The following ABCG4 variants were observed in gnomAD, a reference collection of about 807,000 sequenced individuals.
The protein encoded by ABCG4 is ATP binding cassette subfamily G member 4.
ABCG4 carries 35 observed loss-of-function variants against 64.6 expected under a neutral mutation model. The ratio of observed to expected loss-of-function variants is 0.54; its 90% CI spans 0.41 to 0.72. The LOEUF (loss-of-function observed/expected upper bound fraction) is 0.72, where lower values mean the gene tolerates loss of function less well. Ranked by LOEUF, ABCG4 falls within the 30% of genes least tolerant of loss-of-function variation. The pLI is 0.00. For missense variants in ABCG4, 610 were observed against 846.3 expected, an observed-to-expected ratio of 0.72 and a Z score of 3.46; for synonymous variants, 326 against 348.2, an observed-to-expected ratio of 0.94 and a Z score of 0.71.
chr11:119,160,833 G>A lies in ABCG4; in HGVS notation c.1716-48G>A, dbSNP rs1207590078. 1 of 1,584,610 alleles carries A rather than the reference G, an allele frequency of 6.3e-7. No homozygotes were observed. The highest frequency in any genetic ancestry group is 8.6e-7 in the Non-Finnish European group (1 of 1,157,844). ...TGGGCTCTGGCAGTTTTCTCAGAGA[G>A]CAGGGACCCTGTGTGCTGTATCCCA... On this transcript the variant is annotated intron_variant, in intron 14 of 14. Transcript: ENST00000619701. This position sits in a 1 kb window ranked among gnomAD's most constrained non-coding sequence, Gnocchi z 4.6.
rs562419971 is a variant in ABCG4, at chr11:119,156,546, C to G, written c.811-18C>G. 2.2e-5 allele frequency: 36 copies of G among 1,614,116 alleles called. No individual in the cohort carries two copies. The East Asian group carries it at 7.6e-4, about 34-fold the overall frequency. On this transcript the variant is annotated intron_variant, in intron 7 of 14. Coordinates refer to ENST00000619701, the MANE Select transcript of ABCG4 (RefSeq NM_022169.5). The surrounding 1 kb of genome is among the most constrained non-coding windows in gnomAD (Gnocchi z 5.5). Reference sequence around the variant, plus strand: ...CCTGGCCCGCTGTTCCTTCCTTACCCTTCTCTTTCTGCTGCAGCTCTACAT... The same window carrying G: ...CCTGGCCCGCTGTTCCTTCCTTACCGTTCTCTTTCTGCTGCAGCTCTACAT...
Position 119,160,505 on chromosome 11 carries a change from T to G in ABCG4, c.1597-33T>G. 1.2e-6 allele frequency: 2 copies of G among 1,607,514 alleles called. No individual in the cohort carries two copies. Among genetic ancestry groups the G allele is most frequent in the Non-Finnish European group, 1.7e-6 (2 of 1,178,264 alleles). On this transcript the variant is annotated intron_variant, in intron 13 of 14. Transcript: ENST00000619701. This position sits in a 1 kb window ranked among gnomAD's most constrained non-coding sequence, Gnocchi z 4.6. ...AACCTGGGTTTGTCCTGGTCACCCC[T>G]ATGATGGCCTGGCCCCCTCCCTTCC...
rs1451737733 is a variant in ABCG4 at position 119,154,947 on chromosome 11, C to T, written c.686+32C>T. 1 of 1,585,992 alleles carries T rather than the reference C, an allele frequency of 6.3e-7. No individual in the cohort carries two copies. The highest frequency in any genetic ancestry group is 2.3e-5 in the East Asian group (1 of 44,338). On this transcript the variant is annotated intron_variant, in intron 6 of 14. Transcript: ENST00000619701. The surrounding 1 kb of genome is among the most constrained non-coding windows in gnomAD (Gnocchi z 7.0). ...CTCTCCACCCTTTCCCACCAGGATA[C>T]CCCTCTCCTCTCGGCCCTGAGCCAG...
rs77563022 is a variant in ABCG4, at chr11:119,150,387, C to T, written c.238+184C>T. 2.0e-5 allele frequency among the ~76,000 whole-genome samples: 3 copies of T among 152,200 alleles called. No homozygotes were observed. Among genetic ancestry groups the T allele is most frequent in the African/African-American group, 7.2e-5 (3 of 41,446 alleles). ...TGGGGTGTCAGGATCTACGCTCCCC[C>T]ACACCTGTGAGCACCATGGGATACT... On this transcript the variant is annotated intron_variant, in intron 2 of 14. Coordinates refer to ENST00000619701, the MANE Select transcript of ABCG4 (RefSeq NM_022169.5). This position sits in a 1 kb window ranked among gnomAD's most constrained non-coding sequence, Gnocchi z 4.3.
chr11:119,154,459 T>TGGTGAA lies in ABCG4; in HGVS notation c.490-64_490-63insTGAAGG. The TGGTGAA allele has an allele frequency of 6.2e-7, 1 of 1,614,028 alleles. No homozygotes were observed. On this transcript the variant is annotated intron_variant, in intron 4 of 14. Coordinates refer to ENST00000619701, the MANE Select transcript of ABCG4 (RefSeq NM_022169.5). This position sits in a 1 kb window ranked among gnomAD's most constrained non-coding sequence, Gnocchi z 7.0. ...TGTCTGCTGTCGCCACCTTCACCAT[T>TGGTGAA]GGCGGAGGGTTCAAGGCAGAGCTCC...
chr11:119,154,838 C>T lies in ABCG4; in HGVS notation c.609C>T (p.Gly203=), dbSNP rs552901604. 15 of 1,614,068 alleles carry T rather than the reference C, an allele frequency of 9.3e-6. No homozygotes were observed. Among genetic ancestry groups the T allele is most frequent in the African/African-American group, 1.3e-5 (1 of 75,062 alleles). Residue 203 remains glycine, a synonymous_variant, in exon 6 of 15, where the codon GGC becomes GGT. Coordinates refer to ENST00000619701, the MANE Select transcript of ABCG4 (RefSeq NM_022169.5). This position sits in a 1 kb window ranked among gnomAD's most constrained non-coding sequence, Gnocchi z 7.0. ...ACACGAGGACAGCCCTGCTCTCTGG[C>T]GGGCAGAGGAAGCGTCTGGCCATCG... is the stretch of plus-strand genomic sequence containing the variant. ...CSHTRTALLS[G]GQRKRLAIAL... is the part of the protein sequence containing the mutation.
At position 119,154,948 on chromosome 11, in the gene ABCG4, C is replaced by T; in HGVS notation, c.686+33C>T. On this transcript the variant is annotated intron_variant, in intron 6 of 14. Transcript: ENST00000619701. The surrounding 1 kb of genome is among the most constrained non-coding windows in gnomAD (Gnocchi z 7.0). ...TCTCCACCCTTTCCCACCAGGATACCCCTCTCCTCTCGGCCCTGAGCCAGG... is the reference window on the plus strand; with the variant it reads ...TCTCCACCCTTTCCCACCAGGATACTCCTCTCCTCTCGGCCCTGAGCCAGG... 2 of 1,586,312 alleles carry T rather than the reference C, an allele frequency of 1.3e-6. No individual in the cohort carries two copies. Among genetic ancestry groups the T allele is most frequent in the Non-Finnish European group, 1.7e-6 (2 of 1,160,280 alleles).
intron 9 of ABCG4, among the ~76,000 whole-genome samples, chr11:119,157,963 C>T (rs188098063): frequency 8.5e-5 from 13 of 152,290 alleles, no homozygotes; most frequent in East Asian, 3.9e-4. Context: ...AAAAAGTAAC[C>T]GATCTATTAT....
At position 119,160,093 on chromosome 11, in the gene ABCG4, T is replaced by C; in HGVS notation, c.1438-134T>C. 2.1e-6 allele frequency: 2 copies of C among 948,896 alleles called. No homozygotes were observed. Among genetic ancestry groups the C allele is most frequent in the Non-Finnish European group, 3.1e-6 (2 of 642,336 alleles). The allele number at this position is 948,896 out of a possible 1,614,324, so 58.8% of individuals were successfully genotyped here. A position where few individuals can be genotyped will look rare whatever the true frequency, so the allele number is the denominator to read the frequency against. On this transcript the variant is annotated intron_variant, in intron 12 of 14. Coordinates refer to ENST00000619701, the MANE Select transcript of ABCG4 (RefSeq NM_022169.5). The surrounding 1 kb of genome is among the most constrained non-coding windows in gnomAD (Gnocchi z 4.6). ...ACGTGTGTCAATCTGGGGGACAGCTTGAACAAGAATGTGGAGGCAGGATGG... is the reference window on the plus strand; with the variant it reads ...ACGTGTGTCAATCTGGGGGACAGCTCGAACAAGAATGTGGAGGCAGGATGG...
Position 119,156,683 on chromosome 11 carries a change from G to A in ABCG4, c.925+5G>A. The A allele has an allele frequency of 1.2e-6, 2 of 1,614,048 alleles. No individual in the cohort carries two copies. The highest frequency in any genetic ancestry group is 1.7e-6 in the Non-Finnish European group (2 of 1,179,902). On this transcript the variant is annotated splice_donor_5th_base_variant and intron_variant, in intron 8 of 14. Transcript: ENST00000619701. This position sits in a 1 kb window ranked among gnomAD's most constrained non-coding sequence, Gnocchi z 5.5. ...ACCACAACCCGGCTGACTTCAGTGA[G>A]TGGGGGTCTGTTGGTAGGGGCTGGG...
rs1033376705 is a variant in ABCG4, at chr11:119,150,883, C to T, written c.238+680C>T. ...GAGGACAGGTTCCCCTGAACCCTGA[C>T]TAGCCCCTGCAGCCCCTACCCTGAG... is the stretch of plus-strand genomic sequence containing the variant. On this transcript the variant is annotated intron_variant, in intron 2 of 14. Coordinates refer to ENST00000619701, the MANE Select transcript of ABCG4 (RefSeq NM_022169.5). The surrounding 1 kb of genome is among the most constrained non-coding windows in gnomAD (Gnocchi z 4.3). 6.6e-6 allele frequency among the ~76,000 whole-genome samples: 1 copy of T among 152,246 alleles called. No homozygotes were observed. Among genetic ancestry groups the T allele is most frequent in the Non-Finnish European group, 1.5e-5 (1 of 68,032 alleles).
Position 119,154,851 on chromosome 11 carries a change from C to T in ABCG4, c.622C>T (p.Arg208Cys), listed in dbSNP as rs2135122043. Residue 208 changes from arginine (R) to cysteine (C), a missense_variant, in exon 6 of 15, where the codon CGT (arginine) becomes TGT (cysteine). Transcript: ENST00000619701. The surrounding 1 kb of genome is among the most constrained non-coding windows in gnomAD (Gnocchi z 7.0). ...CCTGCTCTCTGGCGGGCAGAGGAAG[C>T]GTCTGGCCATCGCCCTGGAGCTGGT... ...TALLSGGQRK[R>C]LAIALELVNN... 9 of 1,614,050 alleles carry T rather than the reference C, an allele frequency of 5.6e-6. No individual in the cohort carries two copies. The highest frequency in any genetic ancestry group is 1.7e-5 in the Admixed American group (1 of 60,018).
Position 119,160,478 on chromosome 11 carries a change from GA to G in ABCG4, c.1597-57del. The stretch of plus-strand genomic sequence containing the variant: ...TGCAAGGGTTAGGGTGGAGCTCTAG[GA>G]AACCTGGGTTTGTCCTGGTCACCCC... On this transcript the variant is annotated intron_variant, in intron 13 of 14. Transcript: ENST00000619701. The surrounding 1 kb of genome is among the most constrained non-coding windows in gnomAD (Gnocchi z 4.6). 1.2e-6 allele frequency: 2 copies of G among 1,608,550 alleles called. No individual in the cohort carries two copies. The highest frequency in any genetic ancestry group is 1.7e-6 in the Non-Finnish European group (2 of 1,178,702).
chr11:119,154,093 C>A lies in ABCG4; in HGVS notation c.306C>A (p.Gly102=). ...FCRRELIGIM[G]PSGAGKSTFM... ...GCCGGGAGCTGATTGGCATCATGGG[C>A]CCCTCAGGGGCTGGCAAGTCTACAT... Residue 102 remains glycine, a synonymous_variant, in exon 3 of 15, where the codon GGC becomes GGA. Coordinates refer to ENST00000619701, the MANE Select transcript of ABCG4 (RefSeq NM_022169.5). The surrounding 1 kb of genome is among the most constrained non-coding windows in gnomAD (Gnocchi z 7.0). 1 of 1,614,154 alleles carries A rather than the reference C, an allele frequency of 6.2e-7. No homozygotes were observed. The highest frequency in any genetic ancestry group is 1.1e-5 in the South Asian group (1 of 91,082).
rs899705973 is a variant in ABCG4 at position 119,150,623 on chromosome 11, A to G, written c.238+420A>G. Among the ~76,000 whole-genome samples, 1 of 152,112 alleles carries G rather than the reference A, an allele frequency of 6.6e-6. No individual in the cohort carries two copies. The highest frequency in any genetic ancestry group is 1.9e-4 in the East Asian group (1 of 5,190). On this transcript the variant is annotated intron_variant, in intron 2 of 14. Transcript: ENST00000619701. The surrounding 1 kb of genome is among the most constrained non-coding windows in gnomAD (Gnocchi z 4.3). ...GTTCTCATTCCTGTCATCTTATTCC[A>G]TTCTTACCACAGTGCTCAGAAGCAG...
rs1006592947 is a variant in ABCG4, at chr11:119,160,043, G to A, written c.1438-184G>A. On this transcript the variant is annotated intron_variant, in intron 12 of 14. Transcript: ENST00000619701. The surrounding 1 kb of genome is among the most constrained non-coding windows in gnomAD (Gnocchi z 4.6). ...GAAGACGTGAGACGAGATAAGTGAT[G>A]GTCATATGGCCAGGGAGGAAGGGGA... 7.2e-4 allele frequency among the ~76,000 whole-genome samples: 110 copies of A among 151,996 alleles called. No homozygotes were observed. Among genetic ancestry groups the A allele is most frequent in the Non-Finnish European group, 1.3e-3 (89 of 67,980 alleles).
Position 119,158,138 on chromosome 11 carries a change from G to A in ABCG4, c.1069-96G>A, listed in dbSNP as rs1948291284. Reference sequence around the variant, plus strand: ...TGTAGACCTGGAGGACCCCTACCCTGGGGAAGAGCTCTGAGGTTTTTCATT... The same window carrying A: ...TGTAGACCTGGAGGACCCCTACCCTAGGGAAGAGCTCTGAGGTTTTTCATT... On this transcript the variant is annotated intron_variant, in intron 9 of 14. Coordinates refer to ENST00000619701, the MANE Select transcript of ABCG4 (RefSeq NM_022169.5). The surrounding 1 kb of genome is among the most constrained non-coding windows in gnomAD (Gnocchi z 4.5). 1 of 997,714 alleles carries A rather than the reference G, an allele frequency of 1.0e-6. No homozygotes were observed. The highest frequency in any genetic ancestry group is 1.5e-6 in the Non-Finnish European group (1 of 670,898). The allele number at this position is 997,714 out of a possible 1,614,324, so 61.8% of individuals were successfully genotyped here.
Position 119,158,763 on chromosome 11 carries a change from G to T in ABCG4, c.1336+38G>T. 3.1e-6 allele frequency: 5 copies of T among 1,614,158 alleles called. No individual in the cohort carries two copies. The highest frequency in any genetic ancestry group is 4.2e-6 in the Non-Finnish European group (5 of 1,180,014). ...GCCCTGGGCATGGGGCAAGGGTGTGGGTGCTGGGGCTTGGGGCAGGGGCCA... is the reference window on the plus strand; with the variant it reads ...GCCCTGGGCATGGGGCAAGGGTGTGTGTGCTGGGGCTTGGGGCAGGGGCCA... On this transcript the variant is annotated intron_variant, in intron 11 of 14. Transcript: ENST00000619701. The surrounding 1 kb of genome is among the most constrained non-coding windows in gnomAD (Gnocchi z 4.5).
chr11:119,159,215 A>C (rs1373505458), intron 12 of ABCG4, among the ~76,000 whole-genome samples: 1 of 152,270 alleles, frequency 6.6e-6, no homozygotes, highest in Non-Finnish European at 1.5e-5. Context: ...GGCCAGGCGC[A>C]GTGGCTTGCG....
Sources: gnomAD v4.1 joint callset for allele counts (sites outside exome capture counted in the v4.1 genomes callset) on GRCh38, gnomAD v4.1.1 for gene constraint, Gnocchi (gnomAD v3.1) non-coding constraint, MANE v1.5 for transcripts, NCBI Gene and HGNC (gene_info 2026-07-23, HGNC 2026-07-21) for gene names.